PARD3: variants seen among roughly 807,000 people sequenced by gnomAD.
PARD3 encodes the protein par-3 family cell polarity regulator, also known as partitioning defective 3 homolog.
PARD3 carries 75 observed loss-of-function variants against 155.4 expected under a neutral mutation model. The ratio of observed to expected loss-of-function variants is 0.48; its 90% CI spans 0.40 to 0.58. The LOEUF is 0.58. Ranked by LOEUF, PARD3 falls within the 20% of genes least tolerant of loss-of-function variation. The pLI is 0.00. For synonymous variants in PARD3, 576 were observed against 610.5 expected, an observed-to-expected ratio of 0.94 and a Z score of 0.83; for missense variants, 1,642 against 1,721.7, an observed-to-expected ratio of 0.95 and a Z score of 0.82.
At chr10:34,160,280 A>C (rs1176009819) in intron 22 of PARD3, among the ~76,000 whole-genome samples, 1 of 152,186 alleles carries the variant, frequency 6.6e-6, no homozygotes, top group African/African-American at 2.4e-5. Flanking sequence ...AAAAGTAGTA[A>C]GTTTTGGTTA....
At chr10:34,350,005 A>G (rs1049784041) in intron 14 of PARD3, among the ~76,000 whole-genome samples, 1 of 152,230 alleles carries the variant, frequency 6.6e-6, no homozygotes, top group African/African-American at 2.4e-5. Context: ...TTTCATAGGA[A>G]AGATTCTCCA....
chr10:34,356,370 C>T (rs1241831041), intron 14 of PARD3, among the ~76,000 whole-genome samples: 1 of 151,970 alleles, frequency 6.6e-6, no homozygotes, highest in African/African-American at 2.4e-5. Flanking sequence ...CGTGTCTCTA[C>T]AAAAATGAAA....
chr10:34,541,306 A>G (rs1245429869), intron 2 of PARD3, among the ~76,000 whole-genome samples: 1 of 152,234 alleles, frequency 6.6e-6, no homozygotes. Context: ...TGTGCTTAAG[A>G]ACTGAGAACT....
chr10:34,358,340 C>T (rs1217094248), intron 14 of PARD3, among the ~76,000 whole-genome samples: 1 of 152,106 alleles, frequency 6.6e-6, no homozygotes, highest in Non-Finnish European at 1.5e-5. Context: ...TGCCCTGTGT[C>T]CTCCTCACCC....
chr10:34,250,910 G>A (rs1178342964), intron 22 of PARD3, among the ~76,000 whole-genome samples: 1 of 152,204 alleles, frequency 6.6e-6, no homozygotes, highest in Admixed American at 6.5e-5. Context: ...TCTCTTAAGA[G>A]TGAGAATTAC....
At chr10:34,473,512 T>A (rs1025143588) in intron 3 of PARD3, among the ~76,000 whole-genome samples, 2 of 145,494 alleles carry the variant, frequency 1.4e-5, no homozygotes, top group Non-Finnish European at 3.0e-5. Flanking sequence ...CACAGTGAGA[T>A]CCTGTCTCTA....
intron 3 of PARD3, among the ~76,000 whole-genome samples, chr10:34,510,668 G>A (rs1415606109): frequency 6.6e-6 from 1 of 152,026 alleles, no homozygotes; most frequent in East Asian, 1.9e-4. Context: ...CTACTAAGAA[G>A]TGCCTTGAGT....
intron 2 of PARD3, among the ~76,000 whole-genome samples, chr10:34,577,232 C>T (rs2086963470): frequency 6.6e-6 from 1 of 152,154 alleles, no homozygotes; most frequent in Non-Finnish European, 1.5e-5. Flanking sequence ...ATATGAAGTT[C>T]CCTCAGTGAC....
At chr10:34,694,951 G>A (rs1478573081) in intron 2 of PARD3, among the ~76,000 whole-genome samples, 1 of 152,268 alleles carries the variant, frequency 6.6e-6, no homozygotes, top group South Asian at 2.1e-4. Context: ...AAGAAGAGCA[G>A]GCCGGTGGGG....
intron 4 of PARD3, among the ~76,000 whole-genome samples, chr10:34,457,260 T>C (rs2077386928): frequency 6.6e-6 from 1 of 152,316 alleles, no homozygotes. Flanking sequence ...CGGGCGCGGA[T>C]TTCTCTGAAG....
intron 5 of PARD3, among the ~76,000 whole-genome samples, chr10:34,428,943 G>A (rs1343459456): frequency 1.3e-5 from 2 of 152,128 alleles, no homozygotes; most frequent in African/African-American, 4.8e-5. Flanking sequence ...CTCTTGCTCA[G>A]ACTGGAGGTA....
rs536698111 is a variant in PARD3, at chr10:34,448,654, T to C, written c.714+1663A>G. 7.9e-5 allele frequency among the ~76,000 whole-genome samples: 12 copies of C among 151,910 alleles called. No individual in the cohort carries two copies. In the East Asian group the frequency reaches 2.1e-3, roughly 27 times the overall value. On this transcript the variant is annotated intron_variant, in intron 5 of 24. Transcript: ENST00000374788. ...CTCCACAAAATAAAACATTTTTTTT[T>C]AATTAGCTGGGCATGGTGGTGTACA...
At chr10:34,541,183 T>C (rs913826860) in intron 2 of PARD3, among the ~76,000 whole-genome samples, 1 of 152,258 alleles carries the variant, frequency 6.6e-6, no homozygotes, top group Admixed American at 6.5e-5. Flanking sequence ...GGATGGTTTA[T>C]TTATTCCCTA....
intron 2 of PARD3, among the ~76,000 whole-genome samples, chr10:34,532,517 A>T (rs2082928847): frequency 2.0e-5 from 3 of 152,098 alleles, no homozygotes; most frequent in Admixed American, 2.0e-4. Flanking sequence ...CATGGTGTGA[A>T]CTGTGTGAAG....
chr10:34,213,755 G>A (rs1951866799), intron 22 of PARD3, among the ~76,000 whole-genome samples: 1 of 152,198 alleles, frequency 6.6e-6, no homozygotes, highest in Non-Finnish European at 1.5e-5. Flanking sequence ...GCAGAGGACA[G>A]GAGGTGACGT....
chr10:34,219,044 C>A (rs1256047000), intron 22 of PARD3, among the ~76,000 whole-genome samples: 1 of 152,180 alleles, frequency 6.6e-6, no homozygotes, highest in African/African-American at 2.4e-5. Context: ...GAACTCACTT[C>A]AAATGTTCAC....
intron 3 of PARD3, among the ~76,000 whole-genome samples, chr10:34,500,091 G>C (rs2133413668): frequency 6.6e-6 from 1 of 152,306 alleles, no homozygotes; most frequent in South Asian, 2.1e-4. Flanking sequence ...CACAGGCACA[G>C]AGGGCTGACT....
intron 22 of PARD3, among the ~76,000 whole-genome samples, chr10:34,253,706 C>T (rs1424770981): frequency 1.3e-5 from 2 of 152,190 alleles, no homozygotes; most frequent in East Asian, 3.9e-4. Context: ...TCAGAGAAGA[C>T]ACAGCTGTCT....
At chr10:34,532,678 T>C (rs2082940232) in intron 2 of PARD3, among the ~76,000 whole-genome samples, 1 of 152,236 alleles carries the variant, frequency 6.6e-6, no homozygotes, top group South Asian at 2.1e-4. Context: ...GTACATTTTC[T>C]AACATTCACT....
Sources: allele counts gnomAD v4.1 joint callset (sites outside exome capture counted in the v4.1 genomes callset), GRCh38; gene constraint gnomAD v4.1.1; transcripts MANE v1.5; gene names NCBI Gene and HGNC (gene_info 2026-07-23, HGNC 2026-07-21).